The following CFAP251 variants were observed in gnomAD, a reference collection of about 807,000 sequenced individuals.
The protein encoded by CFAP251 is cilia and flagella associated protein 251.
CFAP251 carries 93 observed loss-of-function variants against 126.7 expected under a neutral mutation model. That is an observed-to-expected ratio of 0.73 (90% confidence interval 0.62 to 0.87). The LOEUF is 0.87. Among genes scored for constraint, CFAP251 ranks in the 40% least tolerant of loss-of-function variants. The pLI is 0.00. For missense variants in CFAP251, 1,287 were observed against 1,389.2 expected (o/e 0.93, Z 1.17); for synonymous variants, 503 against 506.9 (o/e 0.99, Z 0.10).
intron 5 of CFAP251, among the ~76,000 whole-genome samples, chr12:121,941,039 A>AT (rs1458301187): frequency 1.0e-4 from 15 of 150,258 alleles, no homozygotes; most frequent in South Asian, 2.1e-4. Context: ...TTATGTCTTT[A>AT]TTTTTTTTTG....
chr12:121,957,358 C>G, intron 11 of CFAP251, 90 bp downstream of exon 11: 1 of 1,260,942 alleles, frequency 7.9e-7, no homozygotes, highest in South Asian at 1.5e-5. Context: ...TCGTGTTGTT[C>G]CTGGGATATC....
At chr12:121,922,918 T>C (rs1038395652) in intron 2 of CFAP251, among the ~76,000 whole-genome samples, 6 of 152,040 alleles carry the variant, frequency 3.9e-5, no homozygotes, top group African/African-American at 1.2e-4. Flanking sequence ...GCCTCCCGAG[T>C]AGCTGGGACT....
chr12:122,002,102 C>A (rs1029727680), intron 21 of CFAP251, among the ~76,000 whole-genome samples: 2 of 151,890 alleles, frequency 1.3e-5, no homozygotes, highest in Non-Finnish European at 2.9e-5. Flanking sequence ...CGCCTGTAAT[C>A]CCAATGCTTT....
At chr12:121,956,976 A>C in intron 10 of CFAP251, 98 bp from the exon 11 acceptor site, 1 of 942,074 alleles carries the variant, frequency 1.1e-6, no homozygotes, top group Non-Finnish European at 1.5e-6. Context: ...AGTTTTTGCA[A>C]TGCCCCAGAA....
In CFAP251 at chr12:121,921,372, G is replaced by A; in HGVS notation, c.67G>A (p.Glu23Lys). 6.2e-7 allele frequency: 1 copy of A among 1,609,464 alleles called. No individual in the cohort carries two copies. Among genetic ancestry groups the A allele is most frequent in the Non-Finnish European group, 8.5e-7 (1 of 1,178,894 alleles). Reference sequence around the variant, plus strand: ...AAATGGAGAAACAGAAATGAAAGAAGAGGAGGAACCTAATCCAAATTATAA... The same window carrying A: ...AAATGGAGAAACAGAAATGAAAGAAAAGGAGGAACCTAATCCAAATTATAA... ...GENGETEMKE[E>K]EEPNPNYKEV... Residue 23 changes from glutamate to lysine, a missense_variant, in exon 2 of 22, where the codon GAG (glutamate) becomes AAG (lysine). Physicochemically the swap from Glu to Lys is moderately conservative, Grantham distance 56. Transcript: ENST00000288912.
In CFAP251 at chr12:121,989,316, T is replaced by C. The variant is rs1047013095; in HGVS notation, c.3007-10400T>C. On this transcript the variant is annotated intron_variant, in intron 19 of 21. Transcript: ENST00000288912. The surrounding 1 kb of genome is among the most constrained non-coding windows in gnomAD (Gnocchi z 4.2). ...GCCCTGTGAATGGGTGTTGTTCACA[T>C]GGAGTAGAAGACAGTGGGCAAGAGC... Among the ~76,000 whole-genome samples the C allele has an allele frequency of 6.6e-6, 1 of 152,194 alleles. No homozygotes were observed. Among genetic ancestry groups the C allele is most frequent in the Non-Finnish European group, 1.5e-5 (1 of 68,034 alleles).
intron 21 of CFAP251, among the ~76,000 whole-genome samples, chr12:122,002,270 G>T (rs560180453): frequency 3.3e-5 from 5 of 152,102 alleles, no homozygotes; most frequent in Admixed American, 6.5e-5. Context: ...CAGGAGAATC[G>T]CTTGAATCCA....
At chr12:121,963,174 G>T (rs1026467035) in intron 15 of CFAP251, among the ~76,000 whole-genome samples, 5 of 152,304 alleles carry the variant, frequency 3.3e-5, no homozygotes, top group African/African-American at 1.2e-4. Flanking sequence ...GCTGATGGCG[G>T]CTTGGCCCTG....
chr12:122,003,713 T>C lies in CFAP251; in HGVS notation c.3399T>C (p.Thr1133=). 3 of 1,610,150 alleles carry C rather than the reference T, an allele frequency of 1.9e-6. No homozygotes were observed. Among genetic ancestry groups the C allele is most frequent in the African/African-American group, 1.3e-5 (1 of 74,836 alleles). Residue 1133 remains threonine, a synonymous_variant, in exon 22 of 22, where the codon ACT becomes ACC. Transcript: ENST00000288912. ...AAATCACTGCAGAAATATTCGCGAC[T>C]GAAATTCTTGGCTTAACCATTTCAG... ...PDEITAEIFA[T]EILGLTISED... is the part of the protein sequence containing the mutation.
rs189618767 is a variant in CFAP251, at chr12:121,960,777, G to T, written c.2307+19G>T. On this transcript the variant is annotated intron_variant, in intron 14 of 21. Coordinates refer to ENST00000288912, the MANE Select transcript of CFAP251 (RefSeq NM_144668.6). ...GCTCTTGGTGAGCTGTTTAGTTTTC[G>T]TTGACCTGGTCGCCAAGACTGTGTC... 6.2e-7 allele frequency: 1 copy of T among 1,611,280 alleles called. No homozygotes were observed. The highest frequency in any genetic ancestry group is 1.1e-5 in the South Asian group (1 of 90,858).
chr12:121,952,418 T>TAA (rs751580923), intron 9 of CFAP251, among the ~76,000 whole-genome samples: 3 of 123,936 alleles, frequency 2.4e-5, no homozygotes, highest in Admixed American at 8.2e-5. Context: ...AGACCCTGTA[T>TAA]ATAAAAAAAA....
intron 19 of CFAP251, among the ~76,000 whole-genome samples, chr12:121,977,864 G>C (rs569177551): frequency 0.027 from 4,030 of 146,802 alleles, 79 homozygotes; most frequent in Non-Finnish European, 0.044. Flanking sequence ...GAGGCTGAGG[G>C]AGGAGAATGG....
intron 17 of CFAP251, chr12:121,972,026 C>T (rs943376857): frequency 8.8e-6 from 2 of 227,636 alleles, no homozygotes; most frequent in Admixed American, 5.2e-5. Context: ...TGAGGCCTCC[C>T]CAGCCACATG....
chr12:121,963,773 T>C (rs1200466217), intron 15 of CFAP251, among the ~76,000 whole-genome samples: 1 of 150,896 alleles, frequency 6.6e-6, no homozygotes, highest in Admixed American at 6.6e-5. Context: ...CAGGAGGCTG[T>C]GTGACTTGTC....
intron 11 of CFAP251, among the ~76,000 whole-genome samples, chr12:121,957,960 C>A (rs1881786721): frequency 1.3e-5 from 2 of 152,174 alleles, no homozygotes; most frequent in South Asian, 4.1e-4. Flanking sequence ...TAGTTACAGG[C>A]ACATCTGTAT....
chr12:121,972,479 T>C (rs1312756103), intron 17 of CFAP251, among the ~76,000 whole-genome samples: 1 of 151,842 alleles, frequency 6.6e-6, no homozygotes, highest in Admixed American at 6.6e-5. Context: ...TTAAGATATC[T>C]GGTAGAGTAA....
At position 121,967,067 on chromosome 12, in the gene CFAP251, A is replaced by G. The variant is rs1465190967; in HGVS notation, c.2605A>G (p.Lys869Glu). ...KRYLVFINRD[K>E]VGLQILPVDG... Reference sequence around the variant, plus strand: ...CTACTTGGTGTTTATTAACAGAGACAAGGTAACAGCGCTCTCTTCTCCAGT... The same window carrying G: ...CTACTTGGTGTTTATTAACAGAGACGAGGTAACAGCGCTCTCTTCTCCAGT... The change falls in exon 16 of 22, where the codon AAG (lysine) becomes GAG (glutamate). Residue 869 changes from lysine (K) to glutamate (E), a missense_variant and splice_region_variant. Lys to Glu is a moderately conservative substitution (Grantham distance 56). Transcript: ENST00000288912. 2 of 1,613,488 alleles carry G rather than the reference A, an allele frequency of 1.2e-6. No individual in the cohort carries two copies. Among genetic ancestry groups the G allele is most frequent in the South Asian group, 2.2e-5 (2 of 91,076 alleles).
At chr12:121,924,777 G>C (rs148518123) in intron 3 of CFAP251, among the ~76,000 whole-genome samples, 2 of 152,168 alleles carry the variant, frequency 1.3e-5, no homozygotes, top group Admixed American at 6.6e-5. Context: ...ACTGGAACAC[G>C]TGTGACTGAA....
chr12:121,957,158 A>T lies in CFAP251; in HGVS notation c.1620A>T (p.Lys540Asn), dbSNP rs1163384716. Reference sequence around the variant, plus strand: ...TTGTTAACTGGTACAGTCACTTGAAACTGGGCGCCATAAGAACTCTGTCCT... The same window carrying T: ...TTGTTAACTGGTACAGTCACTTGAATCTGGGCGCCATAAGAACTCTGTCCT... ...LSIVNWYSHL[K>N]LGAIRTLSFS... Residue 540 changes from lysine (K) to asparagine (N), a missense_variant, in exon 11 of 22, where the codon AAA becomes AAT. By Grantham distance (94) the Lys-to-Asn change is moderately conservative. Coordinates refer to ENST00000288912, the MANE Select transcript of CFAP251 (RefSeq NM_144668.6). 1.9e-6 allele frequency: 3 copies of T among 1,614,130 alleles called. No individual in the cohort carries two copies. The highest frequency in any genetic ancestry group is 1.3e-5 in the African/African-American group (1 of 75,040).
Sources: allele counts gnomAD v4.1 joint callset (sites outside exome capture counted in the v4.1 genomes callset), GRCh38; gene constraint gnomAD v4.1.1; non-coding constraint Gnocchi (gnomAD v3.1); transcripts MANE v1.5; gene names NCBI Gene and HGNC (gene_info 2026-07-23, HGNC 2026-07-21).